ENG: variants seen among roughly 807,000 people sequenced by gnomAD.
ENG encodes endoglin.
Under a neutral mutation model 71.0 loss-of-function variants are expected in ENG, and 17 were observed. That is an observed-to-expected ratio of 0.24 (90% confidence interval 0.16 to 0.36). The LOEUF is 0.36. Among genes scored for constraint, ENG ranks in the 10% least tolerant of loss-of-function variants. The probability of loss-of-function intolerance (pLI) is 1.00; values close to 1 mark genes in which losing one functional copy is unlikely to be tolerated. For missense variants in ENG, 749 were observed against 868.3 expected (o/e 0.86, Z 1.73); for synonymous variants, 360 against 366.9 (o/e 0.98, Z 0.21).
At chr9:127,842,378 G>A (rs575359914) in intron 2 of ENG, among the ~76,000 whole-genome samples, 3 of 150,590 alleles carry the variant, frequency 2.0e-5, no homozygotes, top group Admixed American at 2.0e-4. Context: ...ACAGGCATGC[G>A]CCACTATGCC....
chr9:127,816,935 G>A (rs979258287), intron 13 of ENG: 20 of 625,678 alleles, frequency 3.2e-5, no homozygotes, highest in Non-Finnish European at 2.8e-5. Context: ...GGGCGGTCCC[G>A]GGCAAGGGCT....
chr9:127,854,162 C>A, intron 1 of ENG, 127 bp downstream of exon 1: 1 of 974,196 alleles, frequency 1.0e-6, no homozygotes, highest in Non-Finnish European at 1.6e-6. Flanking sequence ...GTTGGTGACC[C>A]TCCAGAGCCC....
At position 127,816,050 on chromosome 9, in the gene ENG, C is replaced by G. The variant is rs773861569; in HGVS notation, c.1745G>C (p.Cys582Ser). 2 of 1,609,486 alleles carry G rather than the reference C, an allele frequency of 1.2e-6. No individual in the cohort carries two copies. The highest frequency in any genetic ancestry group is 3.4e-5 in the Admixed American group (2 of 59,594). The change falls in exon 14 of 15, where the codon TGC becomes TCC. Residue 582 changes from cysteine to serine, a missense_variant. Coordinates refer to ENST00000373203, the MANE Select transcript of ENG (RefSeq NM_001114753.3). ...LNIISPDLSGCTSKGLVLPAV... is the reference protein window; with the variant it reads ...LNIISPDLSGSTSKGLVLPAV... The stretch of plus-strand genomic sequence containing the variant: ...GGGCAGGACGAGGCCTTTGCTTGTG[C>G]AACCTAGAGAGGGCCGACGCCATCA...
intron 1 of ENG, among the ~76,000 whole-genome samples, chr9:127,852,974 T>C (rs146607186): frequency 1.3e-5 from 2 of 152,302 alleles, no homozygotes; most frequent in Non-Finnish European, 2.9e-5. Context: ...GGAGCTCAGG[T>C]AGGGGCTCCG....
At chr9:127,841,657 A>T (rs1369993358) in intron 2 of ENG, among the ~76,000 whole-genome samples, 1 of 152,214 alleles carries the variant, frequency 6.6e-6, no homozygotes, top group African/African-American at 2.4e-5. Context: ...GCACAAACGC[A>T]AGGCAACTTA....
chr9:127,853,041 GGAT>G (rs1476828452), intron 1 of ENG, among the ~76,000 whole-genome samples: 6 of 152,052 alleles, frequency 3.9e-5, no homozygotes, highest in African/African-American at 1.4e-4. Context: ...TGTAAAATGG[GGAT>G]GATGATGGCA....
At chr9:127,823,683 T>TC (rs1360215101) in intron 8 of ENG, among the ~76,000 whole-genome samples, 1 of 140,686 alleles carries the variant, frequency 7.1e-6, no homozygotes, top group East Asian at 2.0e-4. Context: ...CTTTTTTTTT[T>TC]TTTTTTTTTT....
intron 3 of ENG, 150 bp downstream of exon 3, chr9:127,829,537 T>G: frequency 9.0e-7 from 1 of 1,109,824 alleles, no homozygotes; most frequent in Non-Finnish European, 1.3e-6. Flanking sequence ...ACCATTGGCT[T>G]CACCAGGCAG....
chr9:127,850,759 C>T (rs1056359637), intron 1 of ENG, among the ~76,000 whole-genome samples: 1 of 152,242 alleles, frequency 6.6e-6, no homozygotes, highest in Non-Finnish European at 1.5e-5. Context: ...GCACAGGCCA[C>T]GAGCCGCTGC....
chr9:127,823,713 ACT>A (rs1434948925), intron 8 of ENG, among the ~76,000 whole-genome samples: 2 of 89,876 alleles, frequency 2.2e-5, no homozygotes, highest in Non-Finnish European at 4.2e-5. Context: ...ACAGAGTCTC[ACT>A]CTGTTGCCCA....
At chr9:127,853,531 C>G (rs1829082351) in intron 1 of ENG, among the ~76,000 whole-genome samples, 1 of 152,168 alleles carries the variant, frequency 6.6e-6, no homozygotes, top group East Asian at 1.9e-4. Context: ...GAAGAGCCCC[C>G]AGGCCAAGGA....
At chr9:127,819,721 C>A in intron 9 of ENG, 61 bp from the exon 10 acceptor site, 1 of 1,585,026 alleles carries the variant, frequency 6.3e-7, no homozygotes, top group Non-Finnish European at 8.6e-7. Flanking sequence ...GGTATCCCAC[C>A]CAATACGCCC....
intron 1 of ENG, among the ~76,000 whole-genome samples, chr9:127,843,605 C>T (rs1386373713): frequency 1.3e-5 from 2 of 149,762 alleles, no homozygotes; most frequent in Non-Finnish European, 3.0e-5. Context: ...ATCTGAAATT[C>T]GGATTTCACT....
At chr9:127,832,918 A>G (rs897677930) in intron 2 of ENG, among the ~76,000 whole-genome samples, 4 of 151,908 alleles carry the variant, frequency 2.6e-5, no homozygotes, top group Admixed American at 1.3e-4. Context: ...CACCATGCCC[A>G]GCTAATTTTT....
intron 1 of ENG, among the ~76,000 whole-genome samples, chr9:127,850,337 A>G (rs1302846792): frequency 2.0e-5 from 3 of 152,190 alleles, no homozygotes; most frequent in Non-Finnish European, 4.4e-5. Flanking sequence ...GACAGAGGAG[A>G]GGTGGCCGCC....
chr9:127,816,967 C>G (rs1279655773), intron 13 of ENG, 182 bp downstream of exon 13: 1 of 719,278 alleles, frequency 1.4e-6, no homozygotes, highest in African/African-American at 1.8e-5. Context: ...AAGTGCAGCT[C>G]TGGCCCCTGC....
rs1830963615 is a variant in ENG, at chr9:127,838,824, G to T, written c.219+4270C>A. Reference sequence around the variant, plus strand: ...CGAGATCCAGCCCCTGCCCAGCGGGGCTGTCTGCAGACCTGCCCAGCACAC... The same window carrying T: ...CGAGATCCAGCCCCTGCCCAGCGGGTCTGTCTGCAGACCTGCCCAGCACAC... On this transcript the variant is annotated intron_variant, in intron 2 of 14. Transcript: ENST00000373203. The surrounding 1 kb of genome is among the most constrained non-coding windows in gnomAD (Gnocchi z 4.3). 6.6e-6 allele frequency among the ~76,000 whole-genome samples: 1 copy of T among 152,104 alleles called. No homozygotes were observed. Among genetic ancestry groups the T allele is most frequent in the Admixed American group, 6.6e-5 (1 of 15,262 alleles).
intron 3 of ENG, among the ~76,000 whole-genome samples, chr9:127,827,971 A>G (rs1348154914): frequency 7.4e-6 from 1 of 134,780 alleles, no homozygotes; most frequent in Admixed American, 8.1e-5. Context: ...GTGAGGCGAG[A>G]TGGGGCCATT....
In ENG at chr9:127,816,862, C is replaced by T. The variant is rs927326625; in HGVS notation, c.1741+287G>A. The T allele has an allele frequency of 5.7e-6, 3 of 528,514 alleles. No individual in the cohort carries two copies. In the African/African-American group the frequency reaches 5.8e-5, roughly 10 times the overall value. 32.7% of individuals were successfully genotyped at this position (528,514 alleles called of 1,614,324 possible). Reference sequence around the variant, plus strand: ...ACTCCATCCTCCCAGCAAGGTCAGCCAATAACTGTGGGGATGGAGTGGAGC... The same window carrying T: ...ACTCCATCCTCCCAGCAAGGTCAGCTAATAACTGTGGGGATGGAGTGGAGC... On this transcript the variant is annotated intron_variant, in intron 13 of 14. Coordinates refer to ENST00000373203, the MANE Select transcript of ENG (RefSeq NM_001114753.3).
Sources: allele counts gnomAD v4.1 joint callset (sites outside exome capture counted in the v4.1 genomes callset), GRCh38; gene constraint gnomAD v4.1.1; non-coding constraint Gnocchi (gnomAD v3.1); transcripts MANE v1.5; gene names NCBI Gene and HGNC (gene_info 2026-07-23, HGNC 2026-07-21).